CTNNA2: variants seen among roughly 807,000 people sequenced by gnomAD.
CTNNA2 encodes catenin alpha 2, also known as catenin alpha-2.
CTNNA2 carries 42 observed loss-of-function variants against 101.0 expected under a neutral mutation model. The observed-to-expected ratio is 0.42, with a 90% CI of 0.32 to 0.54. CTNNA2 has a LOEUF of 0.54. Ranked by LOEUF, CTNNA2 falls within the 20% of genes least tolerant of loss-of-function variation. CTNNA2 has a pLI of 0.14. For synonymous variants in CTNNA2, 450 were observed against 456.4 expected, an observed-to-expected ratio of 0.99 and a Z score of 0.18; for missense variants, 871 against 1,223.1, an observed-to-expected ratio of 0.71 and a Z score of 4.29.
chr2:80,297,976 T>G (rs182664838), intron 7 of CTNNA2, among the ~76,000 whole-genome samples: 2 of 151,596 alleles, frequency 1.3e-5, no homozygotes, highest in African/African-American at 4.8e-5. Context: ...CGTGTATGGG[T>G]GTGTGTGTGT....
At chr2:79,672,423 C>T (rs992825007) in intron 2 of CTNNA2, among the ~76,000 whole-genome samples, 1 of 150,392 alleles carries the variant, frequency 6.6e-6, no homozygotes, top group African/African-American at 2.5e-5. Flanking sequence ...CAATTATTCC[C>T]TTTTTTTGTA....
At chr2:79,701,174 C>T (rs1258304636) in intron 2 of CTNNA2, among the ~76,000 whole-genome samples, 1 of 152,052 alleles carries the variant, frequency 6.6e-6, no homozygotes, top group Non-Finnish European at 1.5e-5. Flanking sequence ...AGTATGAACA[C>T]ATTTAGTTCT....
At chr2:80,526,834 C>A (rs2149586375) in intron 9 of CTNNA2, among the ~76,000 whole-genome samples, 1 of 152,308 alleles carries the variant, frequency 6.6e-6, no homozygotes, top group Non-Finnish European at 1.5e-5. Context: ...TTTGAAAGTA[C>A]CTTAAGCACT....
At chr2:80,266,214 A>G (rs2149131151) in intron 7 of CTNNA2, among the ~76,000 whole-genome samples, 1 of 152,316 alleles carries the variant, frequency 6.6e-6, no homozygotes, top group Non-Finnish European at 1.5e-5. Flanking sequence ...CCCCAAACGT[A>G]TTAGAGTGCA....
chr2:79,753,020 T>C (rs1250608213), intron 3 of CTNNA2, among the ~76,000 whole-genome samples: 2 of 152,166 alleles, frequency 1.3e-5, no homozygotes, highest in African/African-American at 4.8e-5. Context: ...ATGATCTCGA[T>C]TATTTTGAAC....
intron 7 of CTNNA2, among the ~76,000 whole-genome samples, chr2:79,948,959 C>G (rs528452794): frequency 1.3e-5 from 2 of 152,078 alleles, no homozygotes; most frequent in South Asian, 4.1e-4. Context: ...CAGAGCCAGA[C>G]TCCGTCTCAA....
At chr2:79,701,854 T>C (rs1202081713) in intron 2 of CTNNA2, among the ~76,000 whole-genome samples, 2 of 151,736 alleles carry the variant, frequency 1.3e-5, no homozygotes, top group Non-Finnish European at 2.9e-5. Flanking sequence ...ATACAAAAAT[T>C]GGCCAGGCAT....
At chr2:79,644,024 G>T (rs894965113) in intron 1 of CTNNA2, among the ~76,000 whole-genome samples, 4 of 151,958 alleles carry the variant, frequency 2.6e-5, no homozygotes, top group Admixed American at 6.6e-5. Context: ...CCAGGAGAAA[G>T]ATCTGATTTT....
At chr2:80,263,500 A>G (rs1483357769) in intron 7 of CTNNA2, among the ~76,000 whole-genome samples, 1 of 152,016 alleles carries the variant, frequency 6.6e-6, no homozygotes, top group Non-Finnish European at 1.5e-5. Flanking sequence ...ATGCCTGGCT[A>G]ATTTTCTGTC....
chr2:79,906,236 T>G (rs945328754), intron 6 of CTNNA2, among the ~76,000 whole-genome samples: 5 of 151,672 alleles, frequency 3.3e-5, no homozygotes. Context: ...TCTTGCCCCA[T>G]ACACACATAC....
chr2:80,399,930 C>T (rs1678401909), intron 8 of CTNNA2, among the ~76,000 whole-genome samples: 1 of 152,182 alleles, frequency 6.6e-6, no homozygotes, highest in Non-Finnish European at 1.5e-5. Context: ...TTTACCAGAA[C>T]ATTCATTTTA....
At chr2:80,472,792 G>A (rs1403685479) in intron 9 of CTNNA2, among the ~76,000 whole-genome samples, 2 of 152,146 alleles carry the variant, frequency 1.3e-5, no homozygotes, top group Non-Finnish European at 2.9e-5. Flanking sequence ...GGGCTAAGCA[G>A]GAAGGAGACT....
At chr2:79,847,014 G>A (rs1480300605) in intron 3 of CTNNA2, among the ~76,000 whole-genome samples, 1 of 152,116 alleles carries the variant, frequency 6.6e-6, no homozygotes, top group East Asian at 1.9e-4. Flanking sequence ...TTTAATATTT[G>A]GAAACCTGGA....
intron 3 of CTNNA2, among the ~76,000 whole-genome samples, chr2:79,746,503 C>T (rs1671658089): frequency 6.6e-6 from 1 of 152,178 alleles, no homozygotes; most frequent in Non-Finnish European, 1.5e-5. Context: ...GCATTTTCTG[C>T]CTTGAAGAAT....
chr2:80,214,819 G>A (rs1708149737), intron 7 of CTNNA2, among the ~76,000 whole-genome samples: 1 of 152,188 alleles, frequency 6.6e-6, no homozygotes, highest in East Asian at 1.9e-4. Context: ...TGCTAGGTTG[G>A]GGAAGTTCTC....
intron 7 of CTNNA2, among the ~76,000 whole-genome samples, chr2:79,918,201 C>T (rs1338085283): frequency 6.6e-6 from 1 of 152,192 alleles, no homozygotes; most frequent in Non-Finnish European, 1.5e-5. Flanking sequence ...TTCCTTCCAA[C>T]TGTATGCCTG....
intron 7 of CTNNA2, among the ~76,000 whole-genome samples, chr2:80,151,210 A>G (rs1056942943): frequency 1.3e-5 from 2 of 152,120 alleles, no homozygotes; most frequent in Non-Finnish European, 2.9e-5. Context: ...TTCCCCTCCA[A>G]GCCAACACAC....
At chr2:80,494,292 G>A (rs766927843) in intron 9 of CTNNA2, among the ~76,000 whole-genome samples, 1 of 152,142 alleles carries the variant, frequency 6.6e-6, no homozygotes, top group Non-Finnish European at 1.5e-5. Context: ...GAAAAGAAAA[G>A]GCAAAGTCAC....
At chr2:79,662,780 T>TA (rs1457626076) in intron 2 of CTNNA2, among the ~76,000 whole-genome samples, 2 of 152,102 alleles carry the variant, frequency 1.3e-5, no homozygotes, top group Non-Finnish European at 2.9e-5. Flanking sequence ...GCACAAGCAA[T>TA]AAAAAAACTA....
Sources: allele counts gnomAD v4.1 joint callset (sites outside exome capture counted in the v4.1 genomes callset), GRCh38; gene constraint gnomAD v4.1.1; transcripts MANE v1.5; gene names NCBI Gene and HGNC (gene_info 2026-07-23, HGNC 2026-07-21).